Variants in TMEM247 observed in about 807,000 individuals in gnomAD.
The protein encoded by TMEM247 is transmembrane protein 247.
In TMEM247, 23 loss-of-function variants were observed where a neutral mutation model predicts 20.7. The observed-to-expected ratio is 1.11, with a 90% CI of 0.80 to 1.57. The LOEUF is 1.57. Among genes scored for constraint, TMEM247 ranks in the 40% most tolerant of loss-of-function variants. TMEM247 has a pLI of 0.00. For missense variants in TMEM247, 354 were observed against 283.8 expected (o/e 1.25, Z -1.78); for synonymous variants, 106 against 111.9 (o/e 0.95, Z 0.33).
intron 2 of TMEM247, among the ~76,000 whole-genome samples, chr2:46,481,825 C>T (rs1032814557): frequency 1.3e-5 from 2 of 152,210 alleles, no homozygotes; most frequent in African/African-American, 4.8e-5. Context: ...ACCATGCCTT[C>T]TGCCTTTATC....
At chr2:46,480,579 A>G (rs1391994681) in exon 2 of TMEM247, 9 of 1,551,732 alleles carry the variant, frequency 5.8e-6, no homozygotes, top group Middle Eastern at 1.7e-4. Flanking sequence ...GACCCCTGGG[A>G]CTGAGCGCAA....
At chr2:46,479,658 G>A (rs1686839969) in exon 1 of TMEM247, 2 of 1,551,642 alleles carry the variant, frequency 1.3e-6, no homozygotes, top group African/African-American at 1.4e-5. Flanking sequence ...CCCCAAGATG[G>A]TGCCTGGTGA....
intron 1 of TMEM247, among the ~76,000 whole-genome samples, chr2:46,479,908 C>G (rs995210674): frequency 6.6e-6 from 1 of 152,136 alleles, no homozygotes; most frequent in African/African-American, 2.4e-5. Flanking sequence ...GGTTTGGTCT[C>G]CTCTATCTAC....
chr2:46,481,407 AC>A (rs1481025605), intron 2 of TMEM247, among the ~76,000 whole-genome samples: 7 of 152,382 alleles, frequency 4.6e-5, no homozygotes, highest in Admixed American at 4.6e-4. Context: ...AGAGCTTAGC[AC>A]AGTGGCTAGG....
chr2:46,483,063 C>G (rs60496170), intron 2 of TMEM247, among the ~76,000 whole-genome samples: 2 of 152,128 alleles, frequency 1.3e-5, no homozygotes, highest in Admixed American at 1.3e-4. Context: ...GAAAATACCT[C>G]TTTGAGTGTG....
chr2:46,481,503 C>T (rs977367886), intron 2 of TMEM247, among the ~76,000 whole-genome samples: 1 of 152,174 alleles, frequency 6.6e-6, no homozygotes, highest in African/African-American at 2.4e-5. Context: ...GATTAAAATG[C>T]CAGTTATAAA....
At chr2:46,480,265 TA>T in intron 1 of TMEM247, 139 bp from the exon 2 acceptor site, 1 of 1,018,278 alleles carries the variant, frequency 9.8e-7, no homozygotes, top group Non-Finnish European at 1.4e-6. Flanking sequence ...AGAGCACTTC[TA>T]ATAAGAATTC....
rs192562934 is a variant in TMEM247 at position 46,479,891 on chromosome 2, G to A, written c.117+189G>A. Among the ~76,000 whole-genome samples, 31 of 152,294 alleles carry A rather than the reference G, an allele frequency of 2.0e-4. No homozygotes were observed. In the East Asian group the frequency reaches 2.5e-3, roughly 12 times the overall value. ...CCTCCATAAGATTGTGAAGTCATAT[G>A]AAGCTGGGTTTGGTCTCCTCTATCT... On this transcript the variant is annotated intron_variant, in intron 1 of 2. Transcript: ENST00000434431.
intron 2 of TMEM247, among the ~76,000 whole-genome samples, chr2:46,482,780 T>C (rs1686914636): frequency 6.6e-6 from 1 of 152,220 alleles, no homozygotes; most frequent in Admixed American, 6.5e-5. Flanking sequence ...GATTGCTTCC[T>C]CTGGTCTCCA....
At chr2:46,482,879 G>T (rs1686915919) in intron 2 of TMEM247, among the ~76,000 whole-genome samples, 1 of 152,198 alleles carries the variant, frequency 6.6e-6, no homozygotes, top group Non-Finnish European at 1.5e-5. Context: ...ATTTTATGCA[G>T]CTGTTTCAAC....
chr2:46,483,300 C>G (rs1488036725), intron 2 of TMEM247, among the ~76,000 whole-genome samples: 1 of 152,172 alleles, frequency 6.6e-6, no homozygotes, highest in African/African-American at 2.4e-5. Context: ...AACCCACAGA[C>G]AGAATTAGCC....
At chr2:46,480,437 T>C in exon 2 of TMEM247, 3 of 1,551,038 alleles carry the variant, frequency 1.9e-6, no homozygotes, top group East Asian at 2.4e-5. Context: ...ACTCCTCCTA[T>C]GACTACTTGG....
chr2:46,479,789 G>T, intron 1 of TMEM247, 87 bp downstream of exon 1: 1 of 981,790 alleles, frequency 1.0e-6, no homozygotes, highest in Non-Finnish European at 1.6e-6. Flanking sequence ...TGAGCTTCCA[G>T]ACAACTGCCA....
intron 2 of TMEM247, among the ~76,000 whole-genome samples, chr2:46,482,279 T>C (rs1284644381): frequency 6.6e-6 from 1 of 152,238 alleles, no homozygotes; most frequent in African/African-American, 2.4e-5. Context: ...TAGAAAACAT[T>C]TGCCTATTGC....
chr2:46,483,556 T>G (rs1267608548), intron 2 of TMEM247, among the ~76,000 whole-genome samples: 1 of 152,040 alleles, frequency 6.6e-6, no homozygotes, highest in Non-Finnish European at 1.5e-5. Flanking sequence ...GAGAGAACAC[T>G]CCCAAGACCC....
rs912507042 is a variant in TMEM247 at position 46,480,333 on chromosome 2, G to C, written c.118-72G>C. The C allele has an allele frequency of 8.3e-6, 12 of 1,438,366 alleles. No homozygotes were observed. In the African/African-American group the frequency reaches 1.7e-4, roughly 21 times the overall value. The allele number at this position is 1,438,366 out of a possible 1,614,324, so 89.1% of individuals were successfully genotyped here. On this transcript the variant is annotated intron_variant, in intron 1 of 2. Transcript: ENST00000434431. The stretch of plus-strand genomic sequence containing the variant: ...TCCACTGCGGCCTGGGGCTGCGGGA[G>C]TTCCATGGGGTCAGGGGCAGCCCCA...
intron 2 of TMEM247, among the ~76,000 whole-genome samples, chr2:46,483,460 G>A (rs1686927901): frequency 6.6e-6 from 1 of 152,202 alleles, no homozygotes; most frequent in Non-Finnish European, 1.5e-5. Flanking sequence ...CAGGACCCAG[G>A]GAGTGAGAAA....
At chr2:46,480,855 G>A in intron 2 of TMEM247, 91 bp downstream of exon 2, 1 of 1,427,072 alleles carries the variant, frequency 7.0e-7, no homozygotes, top group African/African-American at 1.4e-5. Context: ...TCCCTGCTTT[G>A]CGCGGCACCC....
chr2:46,484,410 A>T (rs1686950142), exon 3 of TMEM247: 1 of 1,551,500 alleles, frequency 6.4e-7, no homozygotes, highest in Admixed American at 2.0e-5. Flanking sequence ...TGTTTGATTA[A>T]AACTTTCTGG....
Sources: gnomAD v4.1 joint callset for allele counts (sites outside exome capture counted in the v4.1 genomes callset) on GRCh38, gnomAD v4.1.1 for gene constraint, MANE v1.5 for transcripts, NCBI Gene and HGNC (gene_info 2026-07-23, HGNC 2026-07-21) for gene names.